RNLS: variants seen among roughly 807,000 people sequenced by gnomAD.
RNLS encodes renalase, FAD dependent amine oxidase.
A neutral mutation model predicts 39.8 loss-of-function variants in RNLS; 39 were observed. The ratio of observed to expected loss-of-function variants is 0.98; its 90% CI spans 0.76 to 1.28. RNLS has a LOEUF of 1.28. Among genes scored for constraint, RNLS ranks in the 50% most tolerant of loss-of-function variants. The pLI is 0.00. For missense variants in RNLS, 410 were observed against 413.3 expected, an observed-to-expected ratio of 0.99 and a Z score of 0.07; for synonymous variants, 147 against 150.7, an observed-to-expected ratio of 0.98 and a Z score of 0.18.
intron 4 of RNLS, among the ~76,000 whole-genome samples, chr10:88,455,608 G>A (rs931700417): frequency 3.3e-5 from 5 of 151,988 alleles, no homozygotes; most frequent in South Asian, 4.2e-4. Context: ...GGGTTTCACC[G>A]TGTTAGCCAG....
the RNLS span, among the ~76,000 whole-genome samples, chr10:88,175,274 C>T: frequency 6.6e-6 from 1 of 151,624 alleles, no homozygotes; most frequent in East Asian, 1.9e-4. Flanking sequence ...TTATAGTTTC[C>T]TTCTTTTTCC....
At chr10:88,440,410 T>C (rs1032365495) in intron 4 of RNLS, among the ~76,000 whole-genome samples, 6 of 152,200 alleles carry the variant, frequency 3.9e-5, no homozygotes, top group African/African-American at 1.2e-4. Context: ...TAATCACAAA[T>C]GTATAATTCA....
intron 4 of RNLS, among the ~76,000 whole-genome samples, chr10:88,568,828 A>G (rs1222401634): frequency 2.0e-5 from 3 of 152,220 alleles, no homozygotes; most frequent in Non-Finnish European, 4.4e-5. Context: ...GCTCTGTTCC[A>G]GAAACAAGTA....
rs181974557 is a variant in RNLS, at chr10:88,498,855, T to A, written c.526+74048A>T. 1.6e-3 allele frequency among the ~76,000 whole-genome samples: 249 copies of A among 152,222 alleles called. 2 individuals are homozygous for A. The highest frequency in any genetic ancestry group is 6.8e-3 in the Middle Eastern group (2 of 294). Reference sequence around the variant, plus strand: ...GTGAAAGATGTATAGGAATTCTTTGTAAATCTTTTTCGAAGTCTAAAATTA... The same window carrying A: ...GTGAAAGATGTATAGGAATTCTTTGAAAATCTTTTTCGAAGTCTAAAATTA... On this transcript the variant is annotated intron_variant, in intron 4 of 6. Transcript: ENST00000331772.
chr10:88,358,892 G>A (rs538604422), intron 5 of RNLS, among the ~76,000 whole-genome samples: 1 of 152,258 alleles, frequency 6.6e-6, no homozygotes, highest in East Asian at 1.9e-4. Flanking sequence ...TGTTTATCTT[G>A]TTGCTTCTCT....
the RNLS span, among the ~76,000 whole-genome samples, chr10:88,179,851 G>A: frequency 1.3e-5 from 2 of 152,216 alleles, no homozygotes; most frequent in Non-Finnish European, 2.9e-5. Context: ...TTTGGAGACG[G>A]ACTCTAAGTA....
chr10:88,476,549 C>T (rs532143559), intron 4 of RNLS, among the ~76,000 whole-genome samples: 1 of 152,062 alleles, frequency 6.6e-6, no homozygotes, highest in Admixed American at 6.6e-5. Flanking sequence ...ATAATGGGTA[C>T]ATGACTTATT....
At chr10:88,262,800 C>A in the RNLS span, among the ~76,000 whole-genome samples, 2 of 152,098 alleles carry the variant, frequency 1.3e-5, no homozygotes, top group African/African-American at 2.4e-5. Flanking sequence ...TTCAGAGGTG[C>A]CAGAAGGGGA....
intron 4 of RNLS, among the ~76,000 whole-genome samples, chr10:88,514,853 T>G (rs1337935972): frequency 6.6e-6 from 1 of 152,122 alleles, no homozygotes; most frequent in Non-Finnish European, 1.5e-5. Context: ...AATGCTGATA[T>G]CTCTCTAAGA....
chr10:88,448,668 A>T (rs182028336), intron 4 of RNLS, among the ~76,000 whole-genome samples: 4 of 152,364 alleles, frequency 2.6e-5, no homozygotes, highest in Admixed American at 2.6e-4. Flanking sequence ...CCAAAGGATT[A>T]TAAATCATGC....
At chr10:88,480,894 C>T (rs1202502931) in intron 4 of RNLS, among the ~76,000 whole-genome samples, 1 of 151,426 alleles carries the variant, frequency 6.6e-6, no homozygotes, top group Non-Finnish European at 1.5e-5. Context: ...CTAGTGACAA[C>T]CAAATATTTT....
At chr10:88,510,592 G>T (rs1589926122) in intron 4 of RNLS, among the ~76,000 whole-genome samples, 1 of 151,890 alleles carries the variant, frequency 6.6e-6, no homozygotes, top group Admixed American at 6.6e-5. Flanking sequence ...TTTATTAAGG[G>T]TTTACACTTT....
chr10:88,426,624 T>C (rs1854785820), intron 4 of RNLS, among the ~76,000 whole-genome samples: 1 of 152,104 alleles, frequency 6.6e-6, no homozygotes, highest in Non-Finnish European at 1.5e-5. Context: ...ACTACTTGCC[T>C]GGCACTGTTC....
At chr10:88,238,403 G>T in the RNLS span, among the ~76,000 whole-genome samples, 2 of 152,194 alleles carry the variant, frequency 1.3e-5, no homozygotes, top group Non-Finnish European at 2.9e-5. Flanking sequence ...CAAAGTGTAA[G>T]AATGATTACA....
chr10:88,324,345 A>G (rs992764847), intron 5 of RNLS, among the ~76,000 whole-genome samples: 1 of 151,152 alleles, frequency 6.6e-6, no homozygotes, highest in Non-Finnish European at 1.5e-5. Flanking sequence ...GTGTCCATCA[A>G]TTGTGAACTG....
At chr10:88,260,863 A>C in the RNLS span, among the ~76,000 whole-genome samples, 1 of 152,254 alleles carries the variant, frequency 6.6e-6, no homozygotes, top group Non-Finnish European at 1.5e-5. Flanking sequence ...AACTCTTGAA[A>C]TGACTTTTAA....
At chr10:88,198,020 T>C in the RNLS span, among the ~76,000 whole-genome samples, 1 of 152,176 alleles carries the variant, frequency 6.6e-6, no homozygotes, top group Admixed American at 6.5e-5. Context: ...AATACTATCA[T>C]CTCCATTTTC....
the RNLS span, among the ~76,000 whole-genome samples, chr10:88,240,396 GC>G: frequency 1.7e-5 from 2 of 119,442 alleles, no homozygotes; most frequent in African/African-American, 3.0e-5. Context: ...TCAGGTGATG[GC>G]AAAAAGTCCT....
At chr10:88,188,748 C>T in the RNLS span, among the ~76,000 whole-genome samples, 1 of 152,198 alleles carries the variant, frequency 6.6e-6, no homozygotes, top group Non-Finnish European at 1.5e-5. Context: ...AGACTACAGT[C>T]ACCAGCTACA....
Sources: allele counts gnomAD v4.1 joint callset (sites outside exome capture counted in the v4.1 genomes callset), GRCh38; gene constraint gnomAD v4.1.1; transcripts MANE v1.5; gene names NCBI Gene and HGNC (gene_info 2026-07-23, HGNC 2026-07-21).